The following PDE8B variants were observed in gnomAD, a reference collection of about 807,000 sequenced individuals.
The protein encoded by PDE8B is phosphodiesterase 8B.
In PDE8B, 26 loss-of-function variants were observed where a neutral mutation model predicts 101.3. The observed-to-expected ratio is 0.26, with a 90% CI of 0.19 to 0.36. The LOEUF is 0.36. Among genes scored for constraint, PDE8B ranks in the 10% least tolerant of loss-of-function variants. The probability of loss-of-function intolerance (pLI) is 1.00; values close to 1 mark genes in which losing one functional copy is unlikely to be tolerated. For missense variants in PDE8B, 810 were observed against 1,163.1 expected (o/e 0.70, Z 4.42); for synonymous variants, 424 against 429.3 (o/e 0.99, Z 0.15).
At chr5:77,162,566 A>C in the PDE8B span, among the ~76,000 whole-genome samples, 1 of 152,216 alleles carries the variant, frequency 6.6e-6, no homozygotes, top group Non-Finnish European at 1.5e-5. Context: ...CTAGGGAAAA[A>C]ATAGACATAT....
At chr5:77,088,660 C>T in the PDE8B span, 1 of 152,188 alleles carries the variant, frequency 6.6e-6, no homozygotes, top group African/African-American at 2.4e-5. Context: ...TGAACTCCAC[C>T]CAATATTCCT....
the PDE8B span, among the ~76,000 whole-genome samples, chr5:77,173,099 C>G: frequency 6.6e-6 from 1 of 152,102 alleles, no homozygotes; most frequent in African/African-American, 2.4e-5. Context: ...GCTCCTTCCT[C>G]CAGAGTTTTT....
chr5:77,304,988 C>T (rs543366709), intron 1 of PDE8B, among the ~76,000 whole-genome samples: 75 of 152,186 alleles, frequency 4.9e-4, no homozygotes, highest in African/African-American at 1.6e-3. Flanking sequence ...TTACCTTCCA[C>T]GAGGTAAGTG....
the PDE8B span, chr5:77,151,187 T>C: frequency 1.3e-5 from 2 of 152,370 alleles, no homozygotes; most frequent in South Asian, 4.1e-4. Context: ...ATGCTCCTGA[T>C]TCATTCATTC....
intron 1 of PDE8B, among the ~76,000 whole-genome samples, chr5:77,309,524 G>A (rs1772058481): frequency 6.6e-6 from 1 of 151,572 alleles, no homozygotes; most frequent in South Asian, 2.1e-4. Flanking sequence ...TGTTGGAGGG[G>A]GCTTTTGTGT....
chr5:77,149,465 T>C, the PDE8B span, among the ~76,000 whole-genome samples: 2 of 152,198 alleles, frequency 1.3e-5, no homozygotes, highest in Admixed American at 6.5e-5. Context: ...GGAATTGCCA[T>C]CTTGACAAGC....
At chr5:77,328,638 G>T (rs923051838) in intron 3 of PDE8B, among the ~76,000 whole-genome samples, 3 of 152,080 alleles carry the variant, frequency 2.0e-5, no homozygotes, top group Non-Finnish European at 2.9e-5. Context: ...GCTCCCCCAG[G>T]TACATACTGA....
the PDE8B span, among the ~76,000 whole-genome samples, chr5:77,191,581 C>T: frequency 1.2e-4 from 18 of 152,174 alleles, no homozygotes; most frequent in East Asian, 3.3e-3. Flanking sequence ...TCTCAATCTC[C>T]TGACCTCGTG....
chr5:77,293,407 T>C (rs1205979526), intron 1 of PDE8B, among the ~76,000 whole-genome samples: 1 of 152,242 alleles, frequency 6.6e-6, no homozygotes, highest in East Asian at 1.9e-4. Context: ...TTATAGCAAT[T>C]AGTATATAGG....
At chr5:77,305,470 G>A (rs1355623390) in intron 1 of PDE8B, among the ~76,000 whole-genome samples, 1 of 152,150 alleles carries the variant, frequency 6.6e-6, no homozygotes, top group Non-Finnish European at 1.5e-5. Flanking sequence ...CAACTGAGAG[G>A]GGACAGAAGG....
chr5:77,135,395 T>C, the PDE8B span, among the ~76,000 whole-genome samples: 2 of 152,110 alleles, frequency 1.3e-5, no homozygotes, highest in African/African-American at 4.8e-5. Flanking sequence ...TAATATGACT[T>C]AGTATGGTTT....
intron 1 of PDE8B, among the ~76,000 whole-genome samples, chr5:77,281,763 A>G (rs960619872): frequency 1.3e-5 from 2 of 152,114 alleles, no homozygotes; most frequent in African/African-American, 2.4e-5. Flanking sequence ...AGGGATCAGG[A>G]CCTGGATCTC....
chr5:77,177,569 T>G, the PDE8B span, among the ~76,000 whole-genome samples: 89 of 152,368 alleles, frequency 5.8e-4, no homozygotes, highest in Admixed American at 1.7e-3. Flanking sequence ...CAAGAACTTT[T>G]ATCTTTTCAC....
At chr5:77,108,669 C>T in the PDE8B span, among the ~76,000 whole-genome samples, 4 of 152,052 alleles carry the variant, frequency 2.6e-5, no homozygotes, top group Middle Eastern at 3.4e-3. Context: ...GGTGACAAAG[C>T]GAGACTCTGT....
the PDE8B span, chr5:77,098,856 A>G: frequency 6.6e-6 from 1 of 152,180 alleles, no homozygotes; most frequent in South Asian, 2.1e-4. Context: ...AGTGAGAAAG[A>G]GAGAGAGATA....
chr5:77,210,523 C>G (rs989509563), upstream of PDE8B: 11 of 661,306 alleles, frequency 1.7e-5, no homozygotes, highest in Non-Finnish European at 1.9e-5. The surrounding 1 kb of genome is among the most constrained non-coding windows in gnomAD (Gnocchi z 4.9). Flanking sequence ...GGCGGGCGGG[C>G]GCCCTGGCCC....
At chr5:77,342,624 A>T (rs73767376) in intron 6 of PDE8B, among the ~76,000 whole-genome samples, 8,352 of 152,254 alleles carry the variant, frequency 0.055, 720 homozygotes, top group African/African-American at 0.18. Flanking sequence ...CAGTATAAAT[A>T]ACAGAGCTCT....
chr5:77,387,782 T>C (rs192379953), intron 10 of PDE8B, among the ~76,000 whole-genome samples: 146 of 152,302 alleles, frequency 9.6e-4, no homozygotes, highest in African/African-American at 3.5e-3. Context: ...TCCTTTTCAT[T>C]CTTTTTTCTC....
At chr5:77,412,860 T>C (rs2151103986) in intron 16 of PDE8B, among the ~76,000 whole-genome samples, 1 of 152,308 alleles carries the variant, frequency 6.6e-6, no homozygotes, top group Admixed American at 6.5e-5. Context: ...TCAGAGCCAC[T>C]GAGGGGCCTA....
Sources: allele counts gnomAD v4.1 joint callset (sites outside exome capture counted in the v4.1 genomes callset), GRCh38; gene constraint gnomAD v4.1.1; non-coding constraint Gnocchi (gnomAD v3.1); transcripts MANE v1.5; gene names NCBI Gene and HGNC (gene_info 2026-07-23, HGNC 2026-07-21).